Variants in ROR1 observed in about 807,000 individuals in gnomAD.
ROR1 encodes ROR family WNT receptor 1, also known as inactive tyrosine-protein kinase transmembrane receptor ROR1.
A neutral mutation model predicts 78.8 loss-of-function variants in ROR1; 19 were observed. That is an observed-to-expected ratio of 0.24 (90% CI 0.17 to 0.35). The LOEUF (loss-of-function observed/expected upper bound fraction) is 0.35, where lower values mean the gene tolerates loss of function less well. Among genes scored for constraint, ROR1 ranks in the 10% least tolerant of loss-of-function variants. The pLI is 1.00. For synonymous variants in ROR1, 386 were observed against 433.6 expected, an observed-to-expected ratio of 0.89 and a Z score of 1.36; for missense variants, 917 against 1,177.8, an observed-to-expected ratio of 0.78 and a Z score of 3.24.
At chr1:63,916,991 G>T (rs546596571) in intron 1 of ROR1, among the ~76,000 whole-genome samples, 1 of 152,088 alleles carries the variant, frequency 6.6e-6, no homozygotes, top group South Asian at 2.1e-4. Flanking sequence ...TGTCCTCTGC[G>T]TGTGAGCCCT....
At chr1:63,862,338 G>A (rs1645186884) in intron 1 of ROR1, among the ~76,000 whole-genome samples, 1 of 141,756 alleles carries the variant, frequency 7.1e-6, no homozygotes, top group Middle Eastern at 4.0e-3. Context: ...AGGTTGCAGT[G>A]AGCCAAGATC....
At chr1:64,117,606 A>C (rs902502450) in intron 4 of ROR1, among the ~76,000 whole-genome samples, 1 of 152,186 alleles carries the variant, frequency 6.6e-6, no homozygotes, top group Non-Finnish European at 1.5e-5. Context: ...GTAGCTCACA[A>C]AAGCATTTTC....
intron 2 of ROR1, among the ~76,000 whole-genome samples, chr1:64,026,657 GA>G (rs1263674674): frequency 1.3e-5 from 2 of 152,208 alleles, no homozygotes; most frequent in African/African-American, 4.8e-5. Flanking sequence ...GGAGGCCTCA[GA>G]AAGTTTACAA....
intron 2 of ROR1, among the ~76,000 whole-genome samples, chr1:64,034,965 T>A (rs1363108784): frequency 1.3e-5 from 2 of 152,222 alleles, no homozygotes; most frequent in African/African-American, 4.8e-5. Flanking sequence ...CCTGATTCTC[T>A]TGCTGGGCTA....
chr1:64,177,281 A>G (rs1295679823), intron 8 of ROR1, 147 bp from the exon 9 acceptor site: 20 of 643,420 alleles, frequency 3.1e-5, no homozygotes, highest in Non-Finnish European at 4.8e-5. Context: ...AGTTGCAGCC[A>G]ACGATTTGAA....
chr1:64,007,971 T>G lies in ROR1; in HGVS notation c.92-1334T>G, dbSNP rs1646442906. Reference sequence around the variant, plus strand: ...TGCCCTTGTTCTTTTTTTTTTTTTTTTGCAATTTCCATTTTTATTTTAGAT... The same window carrying G: ...TGCCCTTGTTCTTTTTTTTTTTTTTGTGCAATTTCCATTTTTATTTTAGAT... On this transcript the variant is annotated intron_variant, in intron 1 of 8. Coordinates refer to ENST00000371079, the MANE Select transcript of ROR1 (RefSeq NM_005012.4). Among the ~76,000 whole-genome samples the G allele has an allele frequency of 5.0e-5, 6 of 120,278 alleles. No individual in the cohort carries two copies. The Admixed American group carries it at 5.4e-4, about 11-fold the overall frequency. The allele number at this position is 120,278 out of a possible 152,430, so 78.9% of individuals were successfully genotyped here.
At chr1:63,869,798 G>C (rs1163037798) in intron 1 of ROR1, among the ~76,000 whole-genome samples, 1 of 152,224 alleles carries the variant, frequency 6.6e-6, no homozygotes, top group East Asian at 1.9e-4. Flanking sequence ...ATTTGTGCCT[G>C]ATGGCACAGA....
At chr1:63,872,271 T>C (rs1204758332) in intron 1 of ROR1, among the ~76,000 whole-genome samples, 1 of 152,208 alleles carries the variant, frequency 6.6e-6, no homozygotes, top group Non-Finnish European at 1.5e-5. Flanking sequence ...CTTTTGATGA[T>C]CTGCCTGGGA....
At chr1:63,830,667 A>G (rs1376204704) in intron 1 of ROR1, among the ~76,000 whole-genome samples, 1 of 152,140 alleles carries the variant, frequency 6.6e-6, no homozygotes, top group Non-Finnish European at 1.5e-5. Context: ...GAACCAAACC[A>G]TATCATTTTA....
At chr1:63,827,385 G>A (rs1188051743) in intron 1 of ROR1, among the ~76,000 whole-genome samples, 1 of 152,044 alleles carries the variant, frequency 6.6e-6, no homozygotes, top group African/African-American at 2.4e-5. Context: ...TTACACCCCT[G>A]TCCCAACCTC....
At chr1:63,928,361 GC>G (rs1418075678) in intron 1 of ROR1, among the ~76,000 whole-genome samples, 1 of 152,178 alleles carries the variant, frequency 6.6e-6, no homozygotes, top group Non-Finnish European at 1.5e-5. Context: ...AAGCCAAGAG[GC>G]CATTGGCACT....
At chr1:63,815,939 G>A (rs570990396) in intron 1 of ROR1, among the ~76,000 whole-genome samples, 3 of 152,294 alleles carry the variant, frequency 2.0e-5, no homozygotes, top group African/African-American at 7.2e-5. Context: ...ACCTGCCTGG[G>A]GTAGTAGGGG....
At chr1:64,045,996 C>A (rs375453416) in intron 2 of ROR1, among the ~76,000 whole-genome samples, 12 of 152,286 alleles carry the variant, frequency 7.9e-5, no homozygotes, top group African/African-American at 2.9e-4. Context: ...TGAATCAAAC[C>A]ATTGAAAAAG....
At chr1:63,833,377 C>G (rs1645000489) in intron 1 of ROR1, among the ~76,000 whole-genome samples, 1 of 152,142 alleles carries the variant, frequency 6.6e-6, no homozygotes, top group South Asian at 2.1e-4. Flanking sequence ...TTAACAGTGA[C>G]AAACCAGGTA....
At position 63,774,460 on chromosome 1, in the gene ROR1, G is replaced by A. The variant is rs1644599449; in HGVS notation, c.43G>A (p.Ala15Thr). Residue 15 changes from alanine to threonine, a missense_variant, in exon 1 of 9, where the codon GCG (alanine) becomes ACG (threonine). Around this residue, in one of 3 missense-constraint regions of ROR1, gnomAD observed 63 missense variants for 57.0 expected, o/e 1.10. Transcript: ENST00000371079. This position sits in a 1 kb window ranked among gnomAD's most constrained non-coding sequence, Gnocchi z 5.7. Reference sequence around the variant, plus strand: ...CCGCGGGACGCGCCCGCCGCTCCTGGCGCTGCTGGCCGCGCTGCTGCTGGC... The same window carrying A: ...CCGCGGGACGCGCCCGCCGCTCCTGACGCTGCTGGCCGCGCTGCTGCTGGC... ...RRRGTRPPLL[A>T]LLAALLLAAR... 3 of 1,171,890 alleles carry A rather than the reference G, an allele frequency of 2.6e-6. No individual in the cohort carries two copies. Among genetic ancestry groups the A allele is most frequent in the Non-Finnish European group, 3.1e-6 (3 of 954,464 alleles). The allele number at this position is 1,171,890 out of a possible 1,614,324, so 72.6% of individuals were successfully genotyped here.
intron 1 of ROR1, among the ~76,000 whole-genome samples, chr1:63,905,715 G>A (rs954720471): frequency 1.3e-5 from 2 of 152,156 alleles, no homozygotes; most frequent in East Asian, 1.9e-4. Flanking sequence ...TCCTATTGAC[G>A]TTCTAGCTTG....
At chr1:63,830,933 A>C (rs1360314092) in intron 1 of ROR1, among the ~76,000 whole-genome samples, 1 of 152,228 alleles carries the variant, frequency 6.6e-6, no homozygotes, top group Admixed American at 6.5e-5. Context: ...TGGTCAAAAC[A>C]AAGGGGCTGC....
At chr1:64,013,015 G>C (rs748524127) in intron 2 of ROR1, among the ~76,000 whole-genome samples, 2 of 152,076 alleles carry the variant, frequency 1.3e-5, no homozygotes, top group African/African-American at 4.8e-5. Context: ...TCCACTATGC[G>C]TTTCCTGTGT....
intron 1 of ROR1, among the ~76,000 whole-genome samples, chr1:63,838,332 G>A (rs1645030853): frequency 2.0e-5 from 3 of 151,808 alleles, no homozygotes; most frequent in South Asian, 4.2e-4. Flanking sequence ...TCAGAAGAAG[G>A]CATTGTTATC....
Sources: gnomAD v4.1 joint callset for allele counts (sites outside exome capture counted in the v4.1 genomes callset) on GRCh38, gnomAD v4.1.1 for gene constraint, gnomAD v4.1.1 regional missense constraint, Gnocchi (gnomAD v3.1) non-coding constraint, MANE v1.5 for transcripts, NCBI Gene and HGNC (gene_info 2026-07-23, HGNC 2026-07-21) for gene names.